Variants in CARD14 observed in about 807,000 individuals in gnomAD.
The protein encoded by CARD14 is caspase recruitment domain-containing protein 14.
In CARD14, 107 loss-of-function variants were observed where a neutral mutation model predicts 111.5. The observed-to-expected ratio is 0.96, with a 90% CI of 0.82 to 1.13. The LOEUF (loss-of-function observed/expected upper bound fraction) is 1.13, where lower values mean the gene tolerates loss of function less well. CARD14 is among the 50% of genes most tolerant of loss of function. The pLI, the probability that CARD14 is intolerant of heterozygous loss-of-function variation, is 0.00. For missense variants in CARD14, 1,322 were observed against 1,362.3 expected (o/e 0.97, Z 0.47); for synonymous variants, 617 against 579.6 (o/e 1.06, Z -0.93).
At chr17:80,199,990 C>T (rs974986009) in intron 16 of CARD14, among the ~76,000 whole-genome samples, 3 of 151,860 alleles carry the variant, frequency 2.0e-5, no homozygotes, top group East Asian at 3.9e-4. Flanking sequence ...GCTCACCCTG[C>T]GGCCTCCAGG....
At chr17:80,206,883 G>A in intron 22 of CARD14, 87 bp from the exon 23 acceptor site, 1 of 842,720 alleles carries the variant, frequency 1.2e-6, no homozygotes. Context: ...AGCCTGTCCG[G>A]AGGGCCCTTC....
intron 9 of CARD14, 137 bp from the exon 10 acceptor site, chr17:80,190,637 A>AGT: frequency 1.2e-6 from 1 of 834,810 alleles, no homozygotes; most frequent in Non-Finnish European, 1.7e-6. Flanking sequence ...AAAGAGAGAG[A>AGT]GAGACGAGTG....
rs529691290 is a variant in CARD14 at position 80,205,567 on chromosome 17, A to C, written c.2606A>C (p.Gln869Pro). Reference sequence around the variant, plus strand: ...CAGGAGGAGTATGAGGCCTGGAGCCAGAGAGGGGACATCATCCAGGAGGGA... The same window carrying C: ...CAGGAGGAGTATGAGGCCTGGAGCCCGAGAGGGGACATCATCCAGGAGGGA... ...LSQEEYEAWS[Q>P]RGDIIQEGEV... The change falls in exon 22 of 24, where the codon CAG (glutamine) becomes CCG (proline). Residue 869 changes from glutamine to proline, a missense_variant. Physicochemically the swap from Gln to Pro is moderately conservative, Grantham distance 76 (BLOSUM62 -1). Coordinates refer to ENST00000648509, the MANE Select transcript of CARD14 (RefSeq NM_001366385.1). 6.3e-7 allele frequency: 1 copy of C among 1,581,648 alleles called. No individual in the cohort carries two copies. The highest frequency in any genetic ancestry group is 8.6e-7 in the Non-Finnish European group (1 of 1,163,310).
At position 80,198,774 on chromosome 17, in the gene CARD14, C is replaced by T; in HGVS notation, c.1851+183C>T. The stretch of plus-strand genomic sequence containing the variant: ...ATTTATAGATGAGAGTCGTGCCGTG[C>T]AGAACCCAGCATGTCACCCGTGGTG... On this transcript the variant is annotated intron_variant, in intron 16 of 23. Transcript: ENST00000648509. This position sits in a 1 kb window ranked among gnomAD's most constrained non-coding sequence, Gnocchi z 7.5. The T allele has an allele frequency of 6.7e-7, 1 of 1,501,362 alleles. No individual in the cohort carries two copies. Among genetic ancestry groups the T allele is most frequent in the Non-Finnish European group, 8.9e-7 (1 of 1,129,860 alleles). 93.0% of individuals were successfully genotyped at this position (1,501,362 alleles called of 1,614,324 possible).
chr17:80,178,401 G>A (rs768093879), intron 2 of CARD14, 107 bp from the exon 3 acceptor site: 9 of 152,230 alleles, frequency 5.9e-5, no homozygotes, highest in Non-Finnish European at 1.0e-4. Flanking sequence ...CGAGTCTGAC[G>A]TCTTTTCCCC....
chr17:80,190,327 G>A (rs1293195820), intron 9 of CARD14, among the ~76,000 whole-genome samples: 1 of 152,136 alleles, frequency 6.6e-6, no homozygotes, highest in African/African-American at 2.4e-5. Context: ...CTTAAGAGAC[G>A]AGCGAGGCCG....
chr17:80,185,243 G>C (rs1179721387), intron 7 of CARD14, among the ~76,000 whole-genome samples: 3 of 151,828 alleles, frequency 2.0e-5, no homozygotes, highest in African/African-American at 7.3e-5. Flanking sequence ...GAAATGGGGG[G>C]TTCTCATTAT....
intron 10 of CARD14, 42 bp from the exon 11 acceptor site, chr17:80,191,281 G>A: frequency 1.9e-6 from 3 of 1,593,752 alleles, no homozygotes; most frequent in Middle Eastern, 3.3e-4. Context: ...AGGCTCCCCG[G>A]TGGTGATGGC....
intron 7 of CARD14, chr17:80,187,882 A>G: frequency 1.0e-6 from 1 of 985,614 alleles, no homozygotes; most frequent in African/African-American, 1.7e-5. Flanking sequence ...AAGTCAACAC[A>G]GGAGCTTTGC....
In CARD14 at chr17:80,184,202, G is replaced by T. The variant is rs1385661126; in HGVS notation, c.639G>T (p.Glu213Asp). 1.3e-6 allele frequency: 2 copies of T among 1,552,626 alleles called. No individual in the cohort carries two copies. Among genetic ancestry groups the T allele is most frequent in the South Asian group, 2.4e-5 (2 of 83,304 alleles). ...ATAGCAATGCGCTGCAGGAGAAGGA[G>T]CTGGCCGCCTCACGCTGCCGCAGCC... Reference protein sequence around the residue: ...LHYSNALQEKELAASRCRSLQ... With the variant: ...LHYSNALQEKDLAASRCRSLQ... Residue 213 changes from glutamate to aspartate, a missense_variant, in exon 7 of 24, where the codon GAG (glutamate) becomes GAT (aspartate). By Grantham distance (45) the Glu-to-Asp change is conservative. Transcript: ENST00000648509.
At position 80,203,669 on chromosome 17, in the gene CARD14, G is replaced by A. The variant is rs769168487; in HGVS notation, c.2220-153G>A. On this transcript the variant is annotated intron_variant, in intron 18 of 23. Coordinates refer to ENST00000648509, the MANE Select transcript of CARD14 (RefSeq NM_001366385.1). The surrounding 1 kb of genome is among the most constrained non-coding windows in gnomAD (Gnocchi z 4.6). ...ACTGGCATGGCCGCCAGGATGGAGC[G>A]CTCCAGCCTGCAGCAAAGGGATGTG... 3.4e-6 allele frequency: 2 copies of A among 581,240 alleles called. No individual in the cohort carries two copies. The highest frequency in any genetic ancestry group is 3.1e-6 in the Non-Finnish European group (1 of 325,040). The allele number at this position is 581,240 out of a possible 1,614,324, so 36.0% of individuals were successfully genotyped here.
chr17:80,206,947 C>T (rs781391696), intron 22 of CARD14, 23 bp from the exon 23 acceptor site: 43 of 1,575,474 alleles, frequency 2.7e-5, no homozygotes, highest in Middle Eastern at 1.7e-4. Flanking sequence ...TCTTGACTCA[C>T]TTCTTCTCTC....
rs2040951585 is a variant in CARD14 at position 80,201,131 on chromosome 17, C to T, written c.1852-613C>T. 6.5e-6 allele frequency: 1 copy of T among 153,494 alleles called. No homozygotes were observed. Among genetic ancestry groups the T allele is most frequent in the Non-Finnish European group, 1.5e-5 (1 of 68,902 alleles). 9.5% of individuals were successfully genotyped at this position (153,494 alleles called of 1,614,324 possible). On this transcript the variant is annotated intron_variant, in intron 16 of 23. Transcript: ENST00000648509. The surrounding 1 kb of genome is among the most constrained non-coding windows in gnomAD (Gnocchi z 5.0). ...TTGACGATGTTCAGGGAGATAGTCC[C>T]GATATCCTAAGGGGGCCAATTAGAT...
At chr17:80,187,618 G>A (rs1483699782) in intron 7 of CARD14, among the ~76,000 whole-genome samples, 1 of 152,228 alleles carries the variant, frequency 6.6e-6, no homozygotes, top group African/African-American at 2.4e-5. Flanking sequence ...GTCGGGAGGG[G>A]AGAGTCCAGG....
chr17:80,194,248 A>G (rs2040631557), intron 12 of CARD14, among the ~76,000 whole-genome samples: 1 of 151,978 alleles, frequency 6.6e-6, no homozygotes, highest in Non-Finnish European at 1.5e-5. Flanking sequence ...ACAGCCCTGG[A>G]ATGCCTCACT....
rs964442846 is a variant in CARD14, at chr17:80,205,606, G to A, written c.2645G>A (p.Gly882Asp). 6.4e-7 allele frequency: 1 copy of A among 1,567,844 alleles called. No individual in the cohort carries two copies. Among genetic ancestry groups the A allele is most frequent in the Admixed American group, 1.9e-5 (1 of 53,046 alleles). Residue 882 changes from glycine to aspartate, a missense_variant, in exon 22 of 24, where the codon GGC becomes GAC. By Grantham distance (94) the Gly-to-Asp change is moderately conservative (BLOSUM62 -1). Coordinates refer to ENST00000648509, the MANE Select transcript of CARD14 (RefSeq NM_001366385.1). ...DIIQEGEVSG[G>D]RCWVTRHAVE... ...ATCCAGGAGGGAGAGGTGTCCGGGG[G>A]CCGCTGCTGGGTGACCCGCCATGCT...
intron 12 of CARD14, among the ~76,000 whole-genome samples, chr17:80,194,283 C>T (rs1449526998): frequency 2.6e-5 from 4 of 152,312 alleles, no homozygotes; most frequent in African/African-American, 4.8e-5. Context: ...CACGGGTGCC[C>T]GTTGGTTCCC....
In CARD14 at chr17:80,186,334, C is replaced by T. The variant is rs2040343832; in HGVS notation, c.676-2043C>T. Among the ~76,000 whole-genome samples the T allele has an allele frequency of 2.6e-5, 4 of 152,210 alleles. No homozygotes were observed. The South Asian group carries it at 8.3e-4, about 32-fold the overall frequency. On this transcript the variant is annotated intron_variant, in intron 7 of 23. Transcript: ENST00000648509. Reference sequence around the variant, plus strand: ...TTCCTACTCTGCAGGGGTCTGACCTCTCACTGTCCTTAATGATTTTGGTCT... The same window carrying T: ...TTCCTACTCTGCAGGGGTCTGACCTTTCACTGTCCTTAATGATTTTGGTCT...
chr17:80,198,018 G>C lies in CARD14; in HGVS notation c.1595-81G>C. ...GGGGTGACCAAGATCTGTGAAGAAG[G>C]GGCTGAGGTTACAGGAGGTTACAGG... On this transcript the variant is annotated intron_variant, in intron 14 of 23. Coordinates refer to ENST00000648509, the MANE Select transcript of CARD14 (RefSeq NM_001366385.1). The surrounding 1 kb of genome is among the most constrained non-coding windows in gnomAD (Gnocchi z 7.5). 1 of 1,384,480 alleles carries C rather than the reference G, an allele frequency of 7.2e-7. No homozygotes were observed. Among genetic ancestry groups the C allele is most frequent in the Non-Finnish European group, 1.0e-6 (1 of 975,308 alleles). The allele number at this position is 1,384,480 out of a possible 1,614,324, so 85.8% of individuals were successfully genotyped here. A position where few individuals can be genotyped will look rare whatever the true frequency, so the allele number is the denominator to read the frequency against.
Sources: gnomAD v4.1 joint callset for allele counts (sites outside exome capture counted in the v4.1 genomes callset) on GRCh38, gnomAD v4.1.1 for gene constraint, Gnocchi (gnomAD v3.1) non-coding constraint, MANE v1.5 for transcripts, NCBI Gene and HGNC (gene_info 2026-07-23, HGNC 2026-07-21) for gene names.